ITGAL: variants seen among roughly 807,000 people sequenced by gnomAD.
ITGAL encodes integrin subunit alpha L, also known as integrin alpha-L.
Under a neutral mutation model 138.4 loss-of-function variants are expected in ITGAL, and 68 were observed. That is an observed-to-expected ratio of 0.49 (90% confidence interval 0.40 to 0.60). The LOEUF is 0.60. ITGAL is among the 20% of genes least tolerant of loss of function. ITGAL has a pLI of 0.00. For missense variants in ITGAL, 1,256 were observed against 1,478.6 expected (o/e 0.85, Z 2.47); for synonymous variants, 561 against 584.3 (o/e 0.96, Z 0.57).
At chr16:30,488,456 T>C (rs2050677687) in intron 9 of ITGAL, among the ~76,000 whole-genome samples, 1 of 151,870 alleles carries the variant, frequency 6.6e-6, no homozygotes, top group South Asian at 2.1e-4. Flanking sequence ...ACACCTGTCA[T>C]TGTCCCAACA....
At chr16:30,521,446 A>T in intron 30 of ITGAL, 46 bp from the exon 31 acceptor site, 1 of 1,567,348 alleles carries the variant, frequency 6.4e-7, no homozygotes, top group African/African-American at 1.4e-5. Context: ...TTGGGGCCAA[A>T]GTGCTCAGTG....
At chr16:30,513,382 T>C (rs563204084) in intron 24 of ITGAL, among the ~76,000 whole-genome samples, 51 of 152,218 alleles carry the variant, frequency 3.4e-4, no homozygotes, top group African/African-American at 1.2e-3. Flanking sequence ...GTGGCAGGAC[T>C]AGAGAGTGAT....
chr16:30,485,399 G>T lies in ITGAL; in HGVS notation c.1006+1136G>T, dbSNP rs181727834. On this transcript the variant is annotated intron_variant, in intron 9 of 30. Transcript: ENST00000356798. ...CAGCCACCACGCCTGGCTAATTTTTGTATTTTTAGTAGAGACAGGGTTTCA... is the reference window on the plus strand; with the variant it reads ...CAGCCACCACGCCTGGCTAATTTTTTTATTTTTAGTAGAGACAGGGTTTCA... Among the ~76,000 whole-genome samples, 18 of 152,020 alleles carry T rather than the reference G, an allele frequency of 1.2e-4. No homozygotes were observed. The East Asian group carries it at 3.1e-3, about 26-fold the overall frequency.
At chr16:30,479,056 A>T (rs756141619) in intron 4 of ITGAL, 35 bp from the exon 5 acceptor site, 3 of 1,533,530 alleles carry the variant, frequency 2.0e-6, no homozygotes, top group South Asian at 2.2e-5. Flanking sequence ...CATAGCAAAT[A>T]GGAGACCCAA....
intron 15 of ITGAL, among the ~76,000 whole-genome samples, chr16:30,497,396 C>T (rs548532997): frequency 6.6e-6 from 1 of 151,492 alleles, no homozygotes; most frequent in African/African-American, 2.4e-5. Flanking sequence ...AATCCCAGCA[C>T]TTTGAGAGGC....
intron 17 of ITGAL, among the ~76,000 whole-genome samples, chr16:30,503,349 C>T (rs1473273788): frequency 6.6e-6 from 1 of 151,930 alleles, no homozygotes; most frequent in Non-Finnish European, 1.5e-5. Context: ...TGGAAAGATC[C>T]TGGACTTTGG....
chr16:30,483,739 C>A, intron 7 of ITGAL, 88 bp from the exon 8 acceptor site: 2 of 1,414,672 alleles, frequency 1.4e-6, no homozygotes, highest in Non-Finnish European at 1.9e-6. Context: ...GCGTAACCAG[C>A]ATGGAGGTGA....
chr16:30,492,437 T>C (rs1286311830), intron 11 of ITGAL, among the ~76,000 whole-genome samples: 1 of 131,936 alleles, frequency 7.6e-6, no homozygotes, highest in African/African-American at 2.8e-5. Flanking sequence ...TTTTTAGTAG[T>C]GATGGGGTTT....
intron 9 of ITGAL, among the ~76,000 whole-genome samples, chr16:30,485,668 C>T (rs1002289882): frequency 1.4e-5 from 2 of 145,416 alleles, no homozygotes; most frequent in Non-Finnish European, 3.0e-5. Context: ...TGTGATACCA[C>T]ACCTGGCTAA....
At chr16:30,478,331 C>CAA (rs1219068809) in intron 4 of ITGAL, among the ~76,000 whole-genome samples, 1 of 86,744 alleles carries the variant, frequency 1.2e-5, no homozygotes, top group Non-Finnish European at 2.3e-5. Context: ...GAGACTCCGT[C>CAA]AAAAAAAAAA....
intron 20 of ITGAL, 50 bp downstream of exon 20, chr16:30,505,512 C>T (rs774484366): frequency 1.2e-5 from 16 of 1,318,232 alleles, no homozygotes; most frequent in Non-Finnish European, 1.8e-5. Flanking sequence ...TGTTTTAAGA[C>T]CCCCCACTCC....
Position 30,519,882 on chromosome 16 carries a change from A to C in ITGAL, c.3254A>C (p.Tyr1085Ser), listed in dbSNP as rs1168866572. ...GTTGTCATGAAGGTTGACGTGGTGT[A>C]TGAGAAGCAGATGCTCTACCTCTAC... Reference protein sequence around the residue: ...AQVVMKVDVVYEKQMLYLYVL... With the variant: ...AQVVMKVDVVSEKQMLYLYVL... The change falls in exon 30 of 31, where the codon TAT becomes TCT. Residue 1085 changes from tyrosine to serine, a missense_variant. Coordinates refer to ENST00000356798, the MANE Select transcript of ITGAL (RefSeq NM_002209.3). The C allele has an allele frequency of 1.9e-6, 3 of 1,613,852 alleles. No individual in the cohort carries two copies. Among genetic ancestry groups the C allele is most frequent in the Non-Finnish European group, 2.5e-6 (3 of 1,179,822 alleles).
Position 30,510,478 on chromosome 16 carries a change from G to A in ITGAL, c.2619+7G>A, listed in dbSNP as rs781530841. On this transcript the variant is annotated splice_region_variant and intron_variant, in intron 22 of 30. Transcript: ENST00000356798. ...CTTCAAAGCAGGCCACTCGGTGAGT[G>A]CTTCAAGTCTCCAGGGACCAAGCAG... 3.3e-6 allele frequency: 5 copies of A among 1,534,200 alleles called. No individual in the cohort carries two copies. The South Asian group carries it at 5.6e-5, about 17-fold the overall frequency.
intron 10 of ITGAL, 33 bp from the exon 11 acceptor site, chr16:30,489,221 G>C (rs770560684): frequency 3.3e-5 from 53 of 1,613,386 alleles, no homozygotes; most frequent in Non-Finnish European, 4.4e-5. Flanking sequence ...GGGTCGGTGG[G>C]TAGCTGACCC....
intron 9 of ITGAL, 85 bp from the exon 10 acceptor site, chr16:30,488,997 C>T: frequency 2.6e-6 from 3 of 1,135,656 alleles, no homozygotes; most frequent in Non-Finnish European, 4.0e-6. Context: ...AAGTAAATAC[C>T]TCACTTCTTC....
At chr16:30,498,048 G>T (rs540567399) in intron 15 of ITGAL, among the ~76,000 whole-genome samples, 1 of 152,016 alleles carries the variant, frequency 6.6e-6, no homozygotes, top group East Asian at 1.9e-4. Context: ...GGACGTGGTT[G>T]TGGGGGCCCC....
chr16:30,495,152 G>A, intron 13 of ITGAL, among the ~76,000 whole-genome samples: 1 of 152,170 alleles, frequency 6.6e-6, no homozygotes, highest in East Asian at 1.9e-4. Flanking sequence ...AGCCTCCCGA[G>A]TAGCTGGGAT....
chr16:30,503,876 T>C (rs905737389), intron 17 of ITGAL: 18 of 223,584 alleles, frequency 8.1e-5, no homozygotes, highest in Non-Finnish European at 1.6e-4. Context: ...ACTTTGATAA[T>C]GGCTGCCTAG....
At chr16:30,478,545 A>C (rs2050505767) in intron 4 of ITGAL, among the ~76,000 whole-genome samples, 1 of 151,748 alleles carries the variant, frequency 6.6e-6, no homozygotes, top group South Asian at 2.1e-4. Context: ...AAAAATACAA[A>C]AAATTAGCCG....
Sources: allele counts gnomAD v4.1 joint callset (sites outside exome capture counted in the v4.1 genomes callset), GRCh38; gene constraint gnomAD v4.1.1; transcripts MANE v1.5; gene names NCBI Gene and HGNC (gene_info 2026-07-23, HGNC 2026-07-21).